SMAP1: variants seen among roughly 807,000 people sequenced by gnomAD.
SMAP1 encodes the protein small ArfGAP 1, also known as stromal membrane-associated protein 1.
A neutral mutation model predicts 58.5 loss-of-function variants in SMAP1; 24 were observed. That is an observed-to-expected ratio of 0.41 (90% CI 0.30 to 0.58). SMAP1 has a LOEUF of 0.58. Among genes scored for constraint, SMAP1 ranks in the 20% least tolerant of loss-of-function variants. The pLI is 0.29. For missense variants in SMAP1, 563 were observed against 566.3 expected (o/e 0.99, Z 0.06); for synonymous variants, 216 against 196.6 (o/e 1.10, Z -0.82).
chr6:70,674,622 A>G (rs763051604), intron 1 of SMAP1, among the ~76,000 whole-genome samples: 8 of 152,238 alleles, frequency 5.3e-5, no homozygotes, highest in Non-Finnish European at 1.0e-4. Flanking sequence ...TGATAAATCA[A>G]TATTTTCTGG....
At chr6:70,750,772 T>C (rs1475863712) in intron 2 of SMAP1, among the ~76,000 whole-genome samples, 4 of 152,178 alleles carry the variant, frequency 2.6e-5, no homozygotes, top group African/African-American at 9.6e-5. Flanking sequence ...GATTCTTCAA[T>C]GGTTTATTAC....
intron 2 of SMAP1, among the ~76,000 whole-genome samples, chr6:70,733,836 G>C (rs1301453777): frequency 6.6e-6 from 1 of 152,124 alleles, no homozygotes; most frequent in Non-Finnish European, 1.5e-5. Context: ...TCCTTCAACA[G>C]TTCAGTTATT....
chr6:70,691,185 C>G (rs943019286), intron 1 of SMAP1, among the ~76,000 whole-genome samples: 1 of 152,098 alleles, frequency 6.6e-6, no homozygotes, highest in Non-Finnish European at 1.5e-5. Context: ...TTTGTATTTT[C>G]TCTCTTTCTT....
At chr6:70,787,003 G>T (rs1157038740) in intron 4 of SMAP1, among the ~76,000 whole-genome samples, 1 of 152,116 alleles carries the variant, frequency 6.6e-6, no homozygotes. Flanking sequence ...TCAGTCCTAA[G>T]CCAAAAGAAC....
chr6:70,714,697 T>C (rs1301710105), intron 1 of SMAP1, among the ~76,000 whole-genome samples: 2 of 152,040 alleles, frequency 1.3e-5, no homozygotes, highest in Non-Finnish European at 2.9e-5. Context: ...TTGTACTTTT[T>C]TTGGTATAAA....
At chr6:70,682,561 C>T (rs1766761964) in intron 1 of SMAP1, among the ~76,000 whole-genome samples, 1 of 152,142 alleles carries the variant, frequency 6.6e-6, no homozygotes, top group Non-Finnish European at 1.5e-5. Flanking sequence ...AATCCCTCTC[C>T]ACTGATTGGT....
chr6:70,771,128 A>T (rs1447686100), intron 3 of SMAP1, among the ~76,000 whole-genome samples: 1 of 152,068 alleles, frequency 6.6e-6, no homozygotes, highest in Non-Finnish European at 1.5e-5. Context: ...TCAGAGGAGT[A>T]CCCGGCCGTG....
At chr6:70,852,395 C>CG in intron 7 of SMAP1, 145 bp from the exon 8 acceptor site, 1 of 706,040 alleles carries the variant, frequency 1.4e-6, no homozygotes, top group Non-Finnish European at 2.1e-6. Flanking sequence ...GAAAGGGGAT[C>CG]GGGGGTAGGT....
At chr6:70,789,380 T>A (rs756615576) in intron 4 of SMAP1, among the ~76,000 whole-genome samples, 4 of 151,972 alleles carry the variant, frequency 2.6e-5, no homozygotes, top group Non-Finnish European at 5.9e-5. Context: ...CTGTTTTTTT[T>A]AATCACCATA....
At chr6:70,688,275 G>A (rs766404094) in intron 1 of SMAP1, among the ~76,000 whole-genome samples, 1 of 152,072 alleles carries the variant, frequency 6.6e-6, no homozygotes, top group Non-Finnish European at 1.5e-5. Flanking sequence ...TTTTTGTATA[G>A]ATTTTTGTGT....
intron 6 of SMAP1, among the ~76,000 whole-genome samples, chr6:70,808,868 ATAG>A (rs1379839548): frequency 6.6e-6 from 1 of 151,364 alleles, no homozygotes; most frequent in Non-Finnish European, 1.5e-5. Flanking sequence ...TTAGGAGAAA[ATAG>A]AACCATTTAT....
chr6:70,766,427 T>C (rs1766989593), intron 3 of SMAP1, among the ~76,000 whole-genome samples: 1 of 152,344 alleles, frequency 6.6e-6, no homozygotes, highest in South Asian at 2.1e-4. Flanking sequence ...GACTTTTTAA[T>C]GATTGCCATT....
intron 3 of SMAP1, among the ~76,000 whole-genome samples, chr6:70,770,559 C>T (rs1202152609): frequency 6.6e-6 from 1 of 152,190 alleles, no homozygotes; most frequent in African/African-American, 2.4e-5. Flanking sequence ...GAGGTTTGTG[C>T]ATTCTTCATG....
In SMAP1 at chr6:70,861,523, A is replaced by AGAT. The variant is rs1159509281; in HGVS notation, c.*1191_*1193dup. On this transcript the variant is annotated 3_prime_UTR_variant, in exon 11 of 11. Transcript: ENST00000370455. ...GTTAACTGACAAGCTCCATTTAAAC[A>AGAT]GATGTCCATCAGATGACAAGAAAGG... 4.3e-6 allele frequency: 3 copies of AGAT among 690,266 alleles called. No individual in the cohort carries two copies. Among genetic ancestry groups the AGAT allele is most frequent in the East Asian group, 2.7e-5 (1 of 37,264 alleles). The allele number at this position is 690,266 out of a possible 1,614,324, so 42.8% of individuals were successfully genotyped here. A position where few individuals can be genotyped will look rare whatever the true frequency, so the allele number is the denominator to read the frequency against.
At chr6:70,843,906 G>GGTA (rs543599576) in intron 7 of SMAP1, among the ~76,000 whole-genome samples, 191 of 152,304 alleles carry the variant, frequency 1.3e-3, no homozygotes, top group African/African-American at 4.4e-3. Flanking sequence ...ATCACCAAGA[G>GGTA]GTAGTACAGG....
In SMAP1 at chr6:70,854,514, C is replaced by T. The variant is rs531211599; in HGVS notation, c.789+1850C>T. ...GCGTGCGCCTGTAATCCCAGTTACT[C>T]GGGAGGCTGAGGCAGGAGAATTGCT... On this transcript the variant is annotated intron_variant, in intron 8 of 10. Transcript: ENST00000370455. Among the ~76,000 whole-genome samples, 66 of 151,760 alleles carry T rather than the reference C, an allele frequency of 4.3e-4. 1 individual carries two copies. The South Asian group carries it at 0.012, about 28-fold the overall frequency.
At position 70,725,155 on chromosome 6, in the gene SMAP1, C is replaced by T. The variant is rs1343671618; in HGVS notation, c.119-7223C>T. On this transcript the variant is annotated intron_variant, in intron 1 of 10. Transcript: ENST00000370455. ...TTTTTGAGACGGAGTCTCGCTCTGT[C>T]GCCCAGGCTGGAGTGCAGTGGCGTG... 5.3e-5 allele frequency among the ~76,000 whole-genome samples: 6 copies of T among 113,902 alleles called. 1 individual carries two copies. Among genetic ancestry groups the T allele is most frequent in the East Asian group, 5.6e-4 (2 of 3,584 alleles). 74.7% of individuals were successfully genotyped at this position (113,902 alleles called of 152,430 possible).
At chr6:70,768,771 G>T (rs1304910769) in intron 3 of SMAP1, among the ~76,000 whole-genome samples, 2 of 152,094 alleles carry the variant, frequency 1.3e-5, no homozygotes, top group African/African-American at 4.8e-5. Flanking sequence ...TCTGATTTTA[G>T]TTATTTCTTG....
In SMAP1 at chr6:70,753,059, TC is replaced by T. The variant is rs979246889; in HGVS notation, c.253-1914del. Among the ~76,000 whole-genome samples, 8 of 150,594 alleles carry T rather than the reference TC, an allele frequency of 5.3e-5. No homozygotes were observed. The South Asian group carries it at 6.4e-4, about 12-fold the overall frequency. On this transcript the variant is annotated intron_variant, in intron 2 of 10. Coordinates refer to ENST00000370455, the MANE Select transcript of SMAP1 (RefSeq NM_001044305.3). The stretch of plus-strand genomic sequence containing the variant: ...GCCTTGTTCCTAATTATTTTTTATT[TC>T]CCCCCCGAGATATTAATGAGCTACA...
Sources: gnomAD v4.1 joint callset for allele counts (sites outside exome capture counted in the v4.1 genomes callset) on GRCh38, gnomAD v4.1.1 for gene constraint, MANE v1.5 for transcripts, NCBI Gene and HGNC (gene_info 2026-07-23, HGNC 2026-07-21) for gene names.